HDAC9: variants seen among roughly 807,000 people sequenced by gnomAD.
The protein encoded by HDAC9 is MEF-2 interacting transcription repressor (MITR) protein.
In HDAC9, 41 loss-of-function variants were observed where a neutral mutation model predicts 139.4. The ratio of observed to expected loss-of-function variants is 0.29; its 90% CI spans 0.23 to 0.38. HDAC9 has a LOEUF of 0.38. Ranked by LOEUF, HDAC9 falls within the 10% of genes least tolerant of loss-of-function variation. HDAC9 has a pLI of 1.00. For missense variants in HDAC9, 1,147 were observed against 1,297.0 expected (o/e 0.88, Z 1.78); for synonymous variants, 517 against 476.2 (o/e 1.09, Z -1.12).
chr7:18,313,872 G>T (rs1198231161), intron 1 of HDAC9, among the ~76,000 whole-genome samples: 1 of 152,136 alleles, frequency 6.6e-6, no homozygotes, highest in Non-Finnish European at 1.5e-5. Context: ...AAGTTGGACT[G>T]CAATCATGTT....
At chr7:18,984,911 G>A (rs1036796189) in intron 25 of HDAC9, among the ~76,000 whole-genome samples, 1 of 152,098 alleles carries the variant, frequency 6.6e-6, no homozygotes, top group East Asian at 1.9e-4. Flanking sequence ...GTTTGTGTGT[G>A]TGTGTATACA....
chr7:18,099,476 A>T (rs1203437421), intron 1 of HDAC9, among the ~76,000 whole-genome samples: 2 of 93,626 alleles, frequency 2.1e-5, no homozygotes, highest in Non-Finnish European at 6.3e-5. Context: ...TCAAAAAAAT[A>T]AAGAAAAAAA....
At chr7:18,897,351 A>T (rs1801296687) in intron 22 of HDAC9, among the ~76,000 whole-genome samples, 1 of 152,012 alleles carries the variant, frequency 6.6e-6, no homozygotes, top group African/African-American at 2.4e-5. Context: ...CTAAACAAAG[A>T]CTTGGAAGAA....
chr7:18,874,808 A>G (rs1160734476), intron 22 of HDAC9, among the ~76,000 whole-genome samples: 2 of 152,154 alleles, frequency 1.3e-5, no homozygotes, highest in African/African-American at 4.8e-5. Flanking sequence ...TTTGGTGGAC[A>G]TGACAGCACA....
chr7:18,844,735 C>T (rs1362655178), intron 21 of HDAC9, among the ~76,000 whole-genome samples: 1 of 152,120 alleles, frequency 6.6e-6, no homozygotes, highest in Non-Finnish European at 1.5e-5. Flanking sequence ...AGAAGAGGCA[C>T]AGATTTATAA....
Position 18,091,462 on chromosome 7 carries a change from C to T in HDAC9, c.-97+4249C>T, listed in dbSNP as rs529035728. The stretch of plus-strand genomic sequence containing the variant: ...AGTGATGACTGGAATTTGAAGTGAC[C>T]ACTGAAAGGGTAAGATTTGGATAGT... On this transcript the variant is annotated intron_variant, in intron 1 of 12. Transcript: ENST00000417496. Among the ~76,000 whole-genome samples the T allele has an allele frequency of 2.0e-5, 3 of 152,254 alleles. No homozygotes were observed. In the South Asian group the frequency reaches 6.2e-4, roughly 32 times the overall value.
intron 2 of HDAC9, among the ~76,000 whole-genome samples, chr7:18,206,581 T>G (rs974236676): frequency 1.3e-5 from 2 of 152,126 alleles, no homozygotes; most frequent in African/African-American, 4.8e-5. Context: ...AGGGTGAATA[T>G]TCCCAGAGAA....
intron 1 of HDAC9, among the ~76,000 whole-genome samples, chr7:18,445,295 T>C (rs1388192332): frequency 2.0e-5 from 3 of 152,170 alleles, no homozygotes; most frequent in South Asian, 2.1e-4. Context: ...TCTAATTACA[T>C]TGAGTTAACT....
intron 24 of HDAC9, among the ~76,000 whole-genome samples, chr7:18,955,995 T>C (rs183101818): frequency 1.4e-4 from 22 of 152,286 alleles, no homozygotes; most frequent in Admixed American, 1.0e-3. Context: ...TTCCTAGTAA[T>C]GATTTTCCAC....
intron 23 of HDAC9, among the ~76,000 whole-genome samples, chr7:18,953,591 CTG>C (rs775803090): frequency 6.6e-6 from 1 of 152,108 alleles, no homozygotes; most frequent in Non-Finnish European, 1.5e-5. Context: ...TTAAATGAAA[CTG>C]TACAGTTATT....
At chr7:18,746,008 G>T (rs551349261) in intron 13 of HDAC9, among the ~76,000 whole-genome samples, 1 of 144,060 alleles carries the variant, frequency 6.9e-6, no homozygotes, top group South Asian at 2.3e-4. Flanking sequence ...TCTCCCACCA[G>T]CAGCAGGCAC....
intron 2 of HDAC9, among the ~76,000 whole-genome samples, chr7:18,555,386 C>A (rs1818483514): frequency 6.6e-6 from 1 of 152,088 alleles, no homozygotes; most frequent in Non-Finnish European, 1.5e-5. Flanking sequence ...GGAATGGGAG[C>A]TTGGTTAATT....
At chr7:18,822,123 G>C (rs751553592) in intron 17 of HDAC9, among the ~76,000 whole-genome samples, 1 of 152,016 alleles carries the variant, frequency 6.6e-6, no homozygotes, top group Non-Finnish European at 1.5e-5. Flanking sequence ...TCAAATTATT[G>C]GCCCTTGATA....
intron 14 of HDAC9, among the ~76,000 whole-genome samples, chr7:18,759,936 TAAA>T (rs1453767490): frequency 2.0e-5 from 3 of 152,124 alleles, no homozygotes; most frequent in African/African-American, 7.2e-5. Context: ...ATACCGGAAG[TAAA>T]AATTTAATTT....
chr7:18,757,963 T>A (rs1789029719), intron 14 of HDAC9, among the ~76,000 whole-genome samples: 1 of 152,182 alleles, frequency 6.6e-6, no homozygotes, highest in Admixed American at 6.6e-5. Flanking sequence ...CTGTTTAGGG[T>A]TCTGAACTAA....
intron 1 of HDAC9, among the ~76,000 whole-genome samples, chr7:18,408,973 C>T (rs1181914929): frequency 6.6e-6 from 1 of 152,126 alleles, no homozygotes; most frequent in Non-Finnish European, 1.5e-5. Context: ...ATAATCAAAT[C>T]CGTTTTTAGA....
chr7:18,423,095 A>C (rs901858051), intron 1 of HDAC9, among the ~76,000 whole-genome samples: 1 of 152,206 alleles, frequency 6.6e-6, no homozygotes, highest in Non-Finnish European at 1.5e-5. Context: ...GGATTTTATT[A>C]ATACTTGTTT....
chr7:18,636,458 A>G (rs1783929458), intron 8 of HDAC9, among the ~76,000 whole-genome samples: 1 of 152,046 alleles, frequency 6.6e-6, no homozygotes, highest in Admixed American at 6.6e-5. Context: ...TTCCCACGTT[A>G]GGAGTCTGCA....
intron 1 of HDAC9, among the ~76,000 whole-genome samples, chr7:18,299,174 A>G (rs1463899565): frequency 1.3e-5 from 2 of 151,822 alleles, no homozygotes; most frequent in Non-Finnish European, 2.9e-5. Flanking sequence ...TTTTTTAAAA[A>G]TTTATTTTAA....
Sources: gnomAD v4.1 joint callset for allele counts (sites outside exome capture counted in the v4.1 genomes callset) on GRCh38, gnomAD v4.1.1 for gene constraint, MANE v1.5 for transcripts, NCBI Gene and HGNC (gene_info 2026-07-23, HGNC 2026-07-21) for gene names.